Variants in WASF2 observed in about 807,000 individuals in gnomAD.
WASF2 encodes actin-binding protein WASF2.
WASF2 carries 14 observed loss-of-function variants against 45.0 expected under a neutral mutation model. The ratio of observed to expected loss-of-function variants is 0.31; its 90% CI spans 0.21 to 0.49. WASF2 has a LOEUF of 0.49. Among genes scored for constraint, WASF2 ranks in the 20% least tolerant of loss-of-function variants. The probability of loss-of-function intolerance (pLI) is 0.99; values close to 1 mark genes in which losing one functional copy is unlikely to be tolerated. For synonymous variants in WASF2, 200 were observed against 236.3 expected, an observed-to-expected ratio of 0.85 and a Z score of 1.41; for missense variants, 439 against 636.1, an observed-to-expected ratio of 0.69 and a Z score of 3.33.
At chr1:27,460,547 A>G (rs2017530506) in intron 1 of WASF2, among the ~76,000 whole-genome samples, 1 of 152,210 alleles carries the variant, frequency 6.6e-6, no homozygotes, top group African/African-American at 2.4e-5. Flanking sequence ...CTTGGTTTAC[A>G]TCAATCATCC....
intron 1 of WASF2, among the ~76,000 whole-genome samples, chr1:27,455,441 T>G (rs1157954610): frequency 6.6e-6 from 1 of 152,126 alleles, no homozygotes; most frequent in Middle Eastern, 3.2e-3. Context: ...TGAAAATTTT[T>G]ATCTGAGAAT....
intron 1 of WASF2, among the ~76,000 whole-genome samples, chr1:27,465,695 T>G (rs58942471): frequency 0.15 from 22,582 of 152,166 alleles, 2,197 homozygotes; most frequent in East Asian, 0.38. Flanking sequence ...TAGGGCAGAT[T>G]ACGGTACTAA....
chr1:27,444,584 T>G (rs2148121501), intron 1 of WASF2, among the ~76,000 whole-genome samples: 1 of 152,302 alleles, frequency 6.6e-6, no homozygotes, highest in East Asian at 1.9e-4. Flanking sequence ...CACAAAGGTG[T>G]TCCTAAATGG....
rs770303663 is a variant in WASF2 at position 27,416,098 on chromosome 1, C to G, written c.424G>C (p.Asp142His). 1 of 1,613,634 alleles carries G rather than the reference C, an allele frequency of 6.2e-7. No homozygotes were observed. Among genetic ancestry groups the G allele is most frequent in the South Asian group, 1.1e-5 (1 of 91,048 alleles). ...TAGAATTTGAGTGCCTCTTTTCCAT[C>G]GTCCCTGGGATAGAAATGAAGACAA... ...PLNNLTPYRD[D>H]GKEALKFYTD... The change falls in exon 5 of 9, where the codon GAT becomes CAT. Residue 142 changes from aspartate (D) to histidine (H), a missense_variant. This residue lies in a region of WASF2 where 98 missense variants were observed against 120.7 expected (regional missense o/e 0.81). Transcript: ENST00000618852.
chr1:27,435,261 TTA>T (rs2017121466), intron 1 of WASF2, among the ~76,000 whole-genome samples: 2 of 148,486 alleles, frequency 1.3e-5, no homozygotes, highest in Admixed American at 1.4e-4. Flanking sequence ...TGGAATACTT[TTA>T]TATATCACCT....
In WASF2 at chr1:27,410,532, A is replaced by AG. The variant is rs1260477303; in HGVS notation, c.825-327dup. Among the ~76,000 whole-genome samples, 5 of 152,178 alleles carry AG rather than the reference A, an allele frequency of 3.3e-5. No individual in the cohort carries two copies. Among genetic ancestry groups the AG allele is most frequent in the Non-Finnish European group, 7.3e-5 (5 of 68,030 alleles). On this transcript the variant is annotated intron_variant, in intron 7 of 8. Coordinates refer to ENST00000618852, the MANE Select transcript of WASF2 (RefSeq NM_006990.5). This position sits in a 1 kb window ranked among gnomAD's most constrained non-coding sequence, Gnocchi z 4.2. ...CTCTGCCTTTCCAGCTCTAAGGGGA[A>AG]GGCACCCTCCCTCCCCTTCCCTAAG...
intron 1 of WASF2, among the ~76,000 whole-genome samples, chr1:27,463,622 C>CAAAA (rs998488815): frequency 4.8e-5 from 2 of 41,850 alleles, no homozygotes; most frequent in African/African-American, 9.3e-5. Flanking sequence ...GACTCTGTCT[C>CAAAA]AAAAAAAAAA....
intron 1 of WASF2, among the ~76,000 whole-genome samples, chr1:27,440,358 C>CA (rs1021946151): frequency 2.6e-5 from 4 of 152,008 alleles, no homozygotes; most frequent in African/African-American, 9.7e-5. Flanking sequence ...ATCCCGTCTA[C>CA]AAAAAATACA....
chr1:27,448,073 G>A (rs1413217672), intron 1 of WASF2, among the ~76,000 whole-genome samples: 5 of 152,180 alleles, frequency 3.3e-5, no homozygotes, highest in Non-Finnish European at 5.9e-5. Flanking sequence ...GCGGGAGGAT[G>A]GTATTTATAT....
rs991952394 is a variant in WASF2, at chr1:27,405,130, A to G, written c.*3059T>C. On this transcript the variant is annotated 3_prime_UTR_variant, in exon 9 of 9. Coordinates refer to ENST00000618852, the MANE Select transcript of WASF2 (RefSeq NM_006990.5). ...GAGTCAGAGGATGGGCGCCACGGGA[A>G]GAGATTTCACATTAGCCGTGACAAC... 6.6e-6 allele frequency: 1 copy of G among 152,136 alleles called. No homozygotes were observed. Among genetic ancestry groups the G allele is most frequent in the African/African-American group, 2.4e-5 (1 of 41,414 alleles). 9.4% of individuals were successfully genotyped at this position (152,136 alleles called of 1,614,324 possible).
intron 1 of WASF2, among the ~76,000 whole-genome samples, chr1:27,456,464 T>C (rs1473319108): frequency 6.6e-6 from 1 of 151,938 alleles, no homozygotes; most frequent in Non-Finnish European, 1.5e-5. Context: ...GTCCCCTTAG[T>C]AGAGGTCCAT....
In WASF2 at chr1:27,406,786, T is replaced by G. The variant is rs1449100453; in HGVS notation, c.*1403A>C. ...ACAGGACCTGGAGCCCCTCTGCCTT[T>G]CAGCCTGCTTCATGGCTGCCAGGCA... On this transcript the variant is annotated 3_prime_UTR_variant, in exon 9 of 9. Coordinates refer to ENST00000618852, the MANE Select transcript of WASF2 (RefSeq NM_006990.5). 1 of 152,242 alleles carries G rather than the reference T, an allele frequency of 6.6e-6. No individual in the cohort carries two copies. The highest frequency in any genetic ancestry group is 2.4e-5 in the African/African-American group (1 of 41,442). The allele number at this position is 152,242 out of a possible 1,614,324, so 9.4% of individuals were successfully genotyped here.
At chr1:27,482,900 A>C (rs1270970923) in intron 1 of WASF2, among the ~76,000 whole-genome samples, 1 of 152,186 alleles carries the variant, frequency 6.6e-6, no homozygotes, top group East Asian at 1.9e-4. Flanking sequence ...CCCCAGGATA[A>C]AAGTAACAAT....
At chr1:27,434,204 T>C (rs185567252) in intron 1 of WASF2, among the ~76,000 whole-genome samples, 190 of 152,362 alleles carry the variant, frequency 1.2e-3, no homozygotes, top group African/African-American at 4.3e-3. Context: ...CCCTGTGCTC[T>C]GGATGACCAG....
chr1:27,480,215 T>G (rs1306949467), intron 1 of WASF2, among the ~76,000 whole-genome samples: 1 of 152,170 alleles, frequency 6.6e-6, no homozygotes, highest in Non-Finnish European at 1.5e-5. Context: ...AAGAGCAAAC[T>G]TTTTAAACTG....
intron 7 of WASF2, 149 bp downstream of exon 7, chr1:27,412,423 G>T: frequency 9.7e-7 from 1 of 1,028,134 alleles, no homozygotes; most frequent in Non-Finnish European, 1.4e-6. Context: ...ACCCAGACTG[G>T]TCTTGAACTT....
chr1:27,428,555 T>C (rs2017017972), intron 2 of WASF2, among the ~76,000 whole-genome samples: 1 of 152,068 alleles, frequency 6.6e-6, no homozygotes, highest in Non-Finnish European at 1.5e-5. Context: ...GGAGGGAACC[T>C]AGAGGGTGGT....
intron 1 of WASF2, among the ~76,000 whole-genome samples, chr1:27,450,207 C>T (rs543911652): frequency 2.0e-5 from 3 of 151,998 alleles, no homozygotes; most frequent in South Asian, 2.1e-4. Context: ...CTGCCACAAC[C>T]GTCTCATTCT....
intron 1 of WASF2, among the ~76,000 whole-genome samples, chr1:27,489,503 G>A (rs796204432): frequency 6.7e-6 from 1 of 149,708 alleles, no homozygotes; most frequent in African/African-American, 2.5e-5. Flanking sequence ...CAATTTAGCA[G>A]GCCGGGGCCT....
Sources: gnomAD v4.1 joint callset for allele counts (sites outside exome capture counted in the v4.1 genomes callset) on GRCh38, gnomAD v4.1.1 for gene constraint, gnomAD v4.1.1 regional missense constraint, Gnocchi (gnomAD v3.1) non-coding constraint, MANE v1.5 for transcripts, NCBI Gene and HGNC (gene_info 2026-07-23, HGNC 2026-07-21) for gene names.